Variants in EXOC2 observed in about 807,000 individuals in gnomAD.
EXOC2 encodes the protein SEC5-like 1.
A neutral mutation model predicts 131.8 loss-of-function variants in EXOC2; 70 were observed. That is an observed-to-expected ratio of 0.53 (90% CI 0.44 to 0.65). The LOEUF (loss-of-function observed/expected upper bound fraction) is 0.65. EXOC2 is among the 30% of genes least tolerant of loss of function. EXOC2 has a pLI of 0.00. For missense variants in EXOC2, 923 were observed against 1,108.6 expected (o/e 0.83, Z 2.38); for synonymous variants, 411 against 398.4 (o/e 1.03, Z -0.38).
chr6:526,154 C>T (rs929020514), intron 23 of EXOC2, among the ~76,000 whole-genome samples: 2 of 152,150 alleles, frequency 1.3e-5, no homozygotes, highest in Non-Finnish European at 2.9e-5. Context: ...CACGCACACA[C>T]ACGTATGTGT....
At chr6:545,920 A>T (rs938121257) in intron 22 of EXOC2, among the ~76,000 whole-genome samples, 1 of 152,242 alleles carries the variant, frequency 6.6e-6, no homozygotes, top group Non-Finnish European at 1.5e-5. Context: ...ATGGAAAAGT[A>T]CTCATGATAG....
chr6:514,524 CT>C (rs945164446), intron 23 of EXOC2, among the ~76,000 whole-genome samples: 10 of 152,200 alleles, frequency 6.6e-5, no homozygotes, highest in African/African-American at 2.4e-4. Context: ...TGCTCATTTT[CT>C]ACTAAAATGA....
In EXOC2 at chr6:576,632, G is replaced by C; in HGVS notation, c.1318+125C>G. The C allele has an allele frequency of 6.6e-6, 7 of 1,062,564 alleles. No homozygotes were observed. The South Asian group carries it at 1.4e-4, about 21-fold the overall frequency. The allele number at this position is 1,062,564 out of a possible 1,614,324, so 65.8% of individuals were successfully genotyped here. A position where few individuals can be genotyped will look rare whatever the true frequency, so the allele number is the denominator to read the frequency against. ...GGTAGTTACTGTAACAAGCAAAAGC[G>C]ATGATGGCTGATAATACTTAGCACC... On this transcript the variant is annotated intron_variant, in intron 12 of 27. Transcript: ENST00000230449.
chr6:561,604 T>C (rs1212325669), intron 17 of EXOC2, among the ~76,000 whole-genome samples: 1 of 152,132 alleles, frequency 6.6e-6, no homozygotes, highest in Admixed American at 6.5e-5. Context: ...TTTTTCTTTT[T>C]TTGACAGAGT....
chr6:608,038 T>C (rs1210534226), intron 7 of EXOC2, among the ~76,000 whole-genome samples: 1 of 152,252 alleles, frequency 6.6e-6, no homozygotes, highest in East Asian at 1.9e-4. Context: ...TATATAATTA[T>C]ACATCAGGTA....
In EXOC2 at chr6:555,822, A is replaced by G. The variant is rs911100469; in HGVS notation, c.1992+132T>C. On this transcript the variant is annotated intron_variant, in intron 19 of 27. Transcript: ENST00000230449. ...CTTTGTTACCCACTTACCTTAAACT[A>G]TTATGTACACAGACAAGATGAAAAA... 7 of 903,076 alleles carry G rather than the reference A, an allele frequency of 7.8e-6. No individual in the cohort carries two copies. The Admixed American group carries it at 1.7e-4, about 22-fold the overall frequency. The allele number at this position is 903,076 out of a possible 1,614,324, so 55.9% of individuals were successfully genotyped here.
chr6:541,356 GT>G (rs1367452472), intron 22 of EXOC2, among the ~76,000 whole-genome samples: 1 of 152,188 alleles, frequency 6.6e-6, no homozygotes, highest in African/African-American at 2.4e-5. Flanking sequence ...AGCCTTAAAT[GT>G]TCATATTAAA....
intron 7 of EXOC2, 44 bp downstream of exon 7, chr6:610,054 T>C (rs368517195): frequency 1.9e-5 from 29 of 1,555,144 alleles, no homozygotes; most frequent in Non-Finnish European, 2.4e-5. Flanking sequence ...TTAAAGCATG[T>C]TGTAAAATCC....
chr6:590,444 A>G (rs1398882799), intron 11 of EXOC2, among the ~76,000 whole-genome samples: 4 of 152,182 alleles, frequency 2.6e-5, no homozygotes, highest in Non-Finnish European at 4.4e-5. Flanking sequence ...TGACAAAACT[A>G]TGCTAGAAAG....
At chr6:626,719 G>A (rs1761589975) in intron 4 of EXOC2, among the ~76,000 whole-genome samples, 2 of 151,980 alleles carry the variant, frequency 1.3e-5, no homozygotes, top group Non-Finnish European at 2.9e-5. Flanking sequence ...AGCCTCCCAA[G>A]TAGCTGAGAT....
chr6:586,010 C>T (rs1388575370), intron 11 of EXOC2, among the ~76,000 whole-genome samples: 1 of 152,074 alleles, frequency 6.6e-6, no homozygotes, highest in Non-Finnish European at 1.5e-5. Flanking sequence ...TGAGAAAACC[C>T]GCATAAAAAC....
rs557179301 is a variant in EXOC2 at position 539,370 on chromosome 6, T to C, written c.2239-6760A>G. Among the ~76,000 whole-genome samples the C allele has an allele frequency of 1.3e-3, 199 of 152,254 alleles. 3 individuals are homozygous for C. Among genetic ancestry groups the C allele is most frequent in the South Asian group, 1.9e-3 (9 of 4,816 alleles). The stretch of plus-strand genomic sequence containing the variant: ...ACCTTAGCAGCAATCATGTATATAC[T>C]CAACAACATTTCCATCTCACGCACC... On this transcript the variant is annotated intron_variant, in intron 22 of 27. Coordinates refer to ENST00000230449, the MANE Select transcript of EXOC2 (RefSeq NM_018303.6).
rs11335528 is a variant in EXOC2, at chr6:495,054, A to AT, written c.2559+2312dup. ...GCACCACACTTGGATAATTAAAACA[A>AT]TTTTTTTTTTTTTTTGTAGAGACAA... is the stretch of plus-strand genomic sequence containing the variant. On this transcript the variant is annotated intron_variant, in intron 25 of 27. Coordinates refer to ENST00000230449, the MANE Select transcript of EXOC2 (RefSeq NM_018303.6). 1.4e-3 allele frequency among the ~76,000 whole-genome samples: 205 copies of AT among 141,510 alleles called. 1 individual carries two copies. Among genetic ancestry groups the AT allele is most frequent in the Middle Eastern group, 3.6e-3 (1 of 274 alleles). The allele number at this position is 141,510 out of a possible 152,430, so 92.8% of individuals were successfully genotyped here.
At chr6:649,219 G>A (rs538237387) in intron 1 of EXOC2, among the ~76,000 whole-genome samples, 7 of 152,264 alleles carry the variant, frequency 4.6e-5, no homozygotes, top group Admixed American at 3.9e-4. Context: ...GGAAAGCATA[G>A]GGATAAAGAG....
chr6:686,550 A>G (rs113252078), intron 1 of EXOC2, among the ~76,000 whole-genome samples: 196 of 152,340 alleles, frequency 1.3e-3, no homozygotes, highest in Non-Finnish European at 2.2e-3. Context: ...TGGAAGCCAG[A>G]CAAGTATATA....
intron 4 of EXOC2, among the ~76,000 whole-genome samples, chr6:627,065 A>C (rs1370099653): frequency 6.6e-6 from 1 of 152,168 alleles, no homozygotes; most frequent in Non-Finnish European, 1.5e-5. Context: ...TGACCTGAGT[A>C]CAATACCATC....
At chr6:526,491 A>C (rs1581369126) in intron 23 of EXOC2, among the ~76,000 whole-genome samples, 1 of 121,522 alleles carries the variant, frequency 8.2e-6, no homozygotes, top group African/African-American at 3.3e-5. Context: ...CCCAGGCTGG[A>C]GTGCAATGGC....
At chr6:595,339 C>A (rs1371362619) in intron 10 of EXOC2, among the ~76,000 whole-genome samples, 1 of 152,034 alleles carries the variant, frequency 6.6e-6, no homozygotes, top group Non-Finnish European at 1.5e-5. Flanking sequence ...CAAAGTCCAA[C>A]AGGTATTTGA....
intron 10 of EXOC2, 128 bp downstream of exon 10, chr6:597,893 C>T: frequency 1.6e-6 from 1 of 625,296 alleles, no homozygotes. Flanking sequence ...TAAATTTCTG[C>T]TATTTGTCTT....
Sources: allele counts gnomAD v4.1 joint callset (sites outside exome capture counted in the v4.1 genomes callset), GRCh38; gene constraint gnomAD v4.1.1; transcripts MANE v1.5; gene names NCBI Gene and HGNC (gene_info 2026-07-23, HGNC 2026-07-21).